The following UPF2 variants were observed in gnomAD, a reference collection of about 807,000 sequenced individuals.
UPF2 encodes regulator of nonsense transcripts 2.
Under a neutral mutation model 141.4 loss-of-function variants are expected in UPF2, and 17 were observed. The ratio of observed to expected loss-of-function variants is 0.12; its 90% CI spans 0.08 to 0.18. The LOEUF (loss-of-function observed/expected upper bound fraction) is 0.18, where lower values mean the gene tolerates loss of function less well. Among genes scored for constraint, UPF2 ranks in the 10% least tolerant of loss-of-function variants. The pLI, the probability that UPF2 is intolerant of heterozygous loss-of-function variation, is 1.00. For synonymous variants in UPF2, 540 were observed against 498.0 expected (o/e 1.08, Z -1.12); for missense variants, 1,152 against 1,515.9 (o/e 0.76, Z 3.99).
At chr10:12,001,421 A>C (rs922833604) in intron 6 of UPF2, among the ~76,000 whole-genome samples, 2 of 152,200 alleles carry the variant, frequency 1.3e-5, no homozygotes, top group African/African-American at 2.4e-5. Flanking sequence ...TTTCAGAAAA[A>C]AAAATAAAAT....
intron 5 of UPF2, among the ~76,000 whole-genome samples, chr10:12,002,409 G>T (rs1224785770): frequency 6.6e-6 from 1 of 152,160 alleles, no homozygotes; most frequent in Non-Finnish European, 1.5e-5. Flanking sequence ...ATGGCGTGAG[G>T]ATCTATCTAT....
At position 11,936,359 on chromosome 10, in the gene UPF2, C is replaced by T. The variant is rs960489868; in HGVS notation, c.3546+186G>A. Among the ~76,000 whole-genome samples the T allele has an allele frequency of 2.7e-5, 4 of 150,036 alleles. No individual in the cohort carries two copies. The highest frequency in any genetic ancestry group is 1.9e-4 in the East Asian group (1 of 5,164). On this transcript the variant is annotated intron_variant, in intron 19 of 21. Transcript: ENST00000357604. This position sits in a 1 kb window ranked among gnomAD's most constrained non-coding sequence, Gnocchi z 6.6. ...CAGCCTGGGCGACAAAGTGAGACGC[C>T]GTCTCAAAAAAAACAAAAACAAAAA... is the stretch of plus-strand genomic sequence containing the variant.
intron 9 of UPF2, among the ~76,000 whole-genome samples, chr10:11,976,896 C>T (rs934670028): frequency 6.6e-6 from 1 of 152,148 alleles, no homozygotes; most frequent in Non-Finnish European, 1.5e-5. Flanking sequence ...AAGAACAATC[C>T]TATTTTAAAA....
chr10:11,926,766 G>A (rs1231332637), intron 21 of UPF2, among the ~76,000 whole-genome samples: 1 of 152,232 alleles, frequency 6.6e-6, no homozygotes, highest in Non-Finnish European at 1.5e-5. Flanking sequence ...TGCCAGCTGT[G>A]ACTTGGCAGG....
intron 3 of UPF2, chr10:12,026,576 CT>C: frequency 2.3e-6 from 1 of 441,822 alleles, no homozygotes; most frequent in East Asian, 7.0e-5. Context: ...GCCACCTTTC[CT>C]TCCCCAACCA....
At chr10:12,011,684 ACCTGTAATC>A (rs1455953898) in intron 4 of UPF2, among the ~76,000 whole-genome samples, 1 of 150,894 alleles carries the variant, frequency 6.6e-6, no homozygotes, top group Non-Finnish European at 1.5e-5. Flanking sequence ...AGTGGCTCAC[ACCTGTAATC>A]CCAGCACTTT....
intron 8 of UPF2, among the ~76,000 whole-genome samples, chr10:11,991,804 T>C (rs1216798839): frequency 6.6e-6 from 1 of 152,122 alleles, no homozygotes; most frequent in Non-Finnish European, 1.5e-5. Context: ...CATAGAGAAA[T>C]TCAAGGCACA....
At chr10:11,981,232 A>C (rs1459282612) in intron 8 of UPF2, among the ~76,000 whole-genome samples, 1 of 152,214 alleles carries the variant, frequency 6.6e-6, no homozygotes, top group Non-Finnish European at 1.5e-5. Context: ...GGCTAAATTC[A>C]TACCTAAAAG....
At chr10:12,032,330 G>GT (rs1834540141) in intron 2 of UPF2, among the ~76,000 whole-genome samples, 1 of 150,502 alleles carries the variant, frequency 6.6e-6, no homozygotes, top group South Asian at 2.1e-4. Context: ...AGAAAAGAAA[G>GT]TATGTACATA....
rs1588534439 is a variant in UPF2 at position 11,953,400 on chromosome 10, T to A, written c.2851-1151A>T. 1.3e-5 allele frequency among the ~76,000 whole-genome samples: 2 copies of A among 152,214 alleles called. No homozygotes were observed. Among genetic ancestry groups the A allele is most frequent in the African/African-American group, 4.8e-5 (2 of 41,466 alleles). On this transcript the variant is annotated intron_variant, in intron 14 of 21. Coordinates refer to ENST00000357604, the MANE Select transcript of UPF2 (RefSeq NM_015542.4). The surrounding 1 kb of genome is among the most constrained non-coding windows in gnomAD (Gnocchi z 5.0). ...ACTGCTCCAGGGGATCCTTTCTTCC[T>A]GACCTTCTAATACTAAACTGTACAC...
At position 12,014,031 on chromosome 10, in the gene UPF2, T is replaced by C. The variant is rs770614412; in HGVS notation, c.1299A>G (p.Thr433=). ...TTTAAGGATATCTCTTACCTTCTGG[T>C]GTTGGTTTGTCTTGAGGAAGATCTG... ...NMPDLPQDKP[T]PEEHGPGIDI... The change falls in exon 4 of 22, where the codon ACA becomes ACG. Residue 433 remains threonine (T), a synonymous_variant. Coordinates refer to ENST00000357604, the MANE Select transcript of UPF2 (RefSeq NM_015542.4). The surrounding 1 kb of genome is among the most constrained non-coding windows in gnomAD (Gnocchi z 5.0). The C allele has an allele frequency of 1.9e-6, 3 of 1,554,434 alleles. No homozygotes were observed.
Position 12,028,841 on chromosome 10 carries a change from T to C in UPF2, c.1049A>G (p.Gln350Arg). The change falls in exon 3 of 22, where the codon CAG becomes CGG. Residue 350 changes from glutamine to arginine, a missense_variant. Coordinates refer to ENST00000357604, the MANE Select transcript of UPF2 (RefSeq NM_015542.4). Reference protein sequence around the residue: ...PSEIISPEKQQPFQNLLKEYF... With the variant: ...PSEIISPEKQRPFQNLLKEYF... ...CTCTTTTAAAAGATTCTGGAAGGGC[T>C]GTTGTTTCTCTGGACTAATTATCTC... 6.2e-7 allele frequency: 1 copy of C among 1,614,198 alleles called. No homozygotes were observed. Among genetic ancestry groups the C allele is most frequent in the Non-Finnish European group, 8.5e-7 (1 of 1,180,028 alleles).
At chr10:11,974,444 C>T (rs543686894) in intron 9 of UPF2, among the ~76,000 whole-genome samples, 45 of 152,266 alleles carry the variant, frequency 3.0e-4, no homozygotes, top group African/African-American at 1.1e-3. Context: ...GAGGGCATCC[C>T]TGTCTTGTGC....
At chr10:12,034,666 A>G (rs936606547) in intron 2 of UPF2, among the ~76,000 whole-genome samples, 3 of 152,020 alleles carry the variant, frequency 2.0e-5, no homozygotes, top group Non-Finnish European at 4.4e-5. Context: ...TTAGCTGGGC[A>G]TGATGGCAGG....
intron 9 of UPF2, among the ~76,000 whole-genome samples, chr10:11,973,236 A>T (rs1053830424): frequency 7.2e-5 from 11 of 151,976 alleles, no homozygotes; most frequent in Non-Finnish European, 1.5e-4. Flanking sequence ...GGGCTGTTTA[A>T]TTTTTTCTTG....
Position 11,956,596 on chromosome 10 carries a change from T to G in UPF2, c.2371-73A>C. 7.1e-7 allele frequency: 1 copy of G among 1,401,900 alleles called. No homozygotes were observed. The highest frequency in any genetic ancestry group is 1.2e-5 in the South Asian group (1 of 80,500). 86.8% of individuals were successfully genotyped at this position (1,401,900 alleles called of 1,614,324 possible). A position where few individuals can be genotyped will look rare whatever the true frequency, so the allele number is the denominator to read the frequency against. ...GCCTGACCAAATAATACAGAAATTT[T>G]GCTATGATTGCGCAGAGAACTTTTG... On this transcript the variant is annotated intron_variant, in intron 12 of 21. Coordinates refer to ENST00000357604, the MANE Select transcript of UPF2 (RefSeq NM_015542.4). This position sits in a 1 kb window ranked among gnomAD's most constrained non-coding sequence, Gnocchi z 4.2.
intron 3 of UPF2, among the ~76,000 whole-genome samples, chr10:12,017,459 T>C (rs932088458): frequency 1.3e-5 from 2 of 152,220 alleles, no homozygotes; most frequent in African/African-American, 2.4e-5. Flanking sequence ...GATTTGCCTG[T>C]GACTTTGCGC....
chr10:11,937,896 C>CA (rs1168078181), intron 18 of UPF2, among the ~76,000 whole-genome samples: 6 of 152,098 alleles, frequency 3.9e-5, no homozygotes, highest in Non-Finnish European at 7.3e-5. Flanking sequence ...ACTTAAAATT[C>CA]AAAAGGATCA....
chr10:12,037,117 C>G (rs552156231), intron 1 of UPF2, among the ~76,000 whole-genome samples: 1 of 152,144 alleles, frequency 6.6e-6, no homozygotes, highest in Non-Finnish European at 1.5e-5. Flanking sequence ...CAGGGTCTCA[C>G]TTTGTCGCCC....
Sources: gnomAD v4.1 joint callset for allele counts (sites outside exome capture counted in the v4.1 genomes callset) on GRCh38, gnomAD v4.1.1 for gene constraint, Gnocchi (gnomAD v3.1) non-coding constraint, MANE v1.5 for transcripts, NCBI Gene and HGNC (gene_info 2026-07-23, HGNC 2026-07-21) for gene names.